The following PCDHGA2 variants were observed in gnomAD, a reference collection of about 807,000 sequenced individuals.
PCDHGA2 encodes the protein protocadherin gamma-A2.
A neutral mutation model predicts 59.2 loss-of-function variants in PCDHGA2; 40 were observed. The observed-to-expected ratio is 0.68, with a 90% confidence interval of 0.52 to 0.88. The LOEUF is 0.88. Among genes scored for constraint, PCDHGA2 ranks in the 40% least tolerant of loss-of-function variants. The pLI is 0.00. For missense variants in PCDHGA2, 1,226 were observed against 1,204.0 expected (o/e 1.02, Z -0.27); for synonymous variants, 560 against 526.0 (o/e 1.06, Z -0.89).
intron 1 of PCDHGA2, chr5:141,377,502 A>G (rs1373807437): frequency 6.6e-6 from 1 of 152,050 alleles, no homozygotes. Flanking sequence ...AAGCTCTGAT[A>G]GGAGGATTGC....
chr5:141,463,364 T>C (rs1166107031), intron 1 of PCDHGA2, among the ~76,000 whole-genome samples: 2 of 150,250 alleles, frequency 1.3e-5, no homozygotes, highest in Admixed American at 6.6e-5. Context: ...TCCCCTTTCC[T>C]GCCCCACAGT....
chr5:141,390,416 T>A, intron 1 of PCDHGA2: 2 of 1,124,674 alleles, frequency 1.8e-6, no homozygotes, highest in Non-Finnish European at 2.5e-6. Context: ...TGTAGTCAGT[T>A]AAAAAGCTGT....
intron 1 of PCDHGA2, chr5:141,420,119 T>C: frequency 6.2e-7 from 1 of 1,614,044 alleles, no homozygotes; most frequent in Non-Finnish European, 8.5e-7. Context: ...TGCCTATAAT[T>C]TTTGTGTGCC....
Position 141,393,047 on chromosome 5 carries a change from C to G in PCDHGA2, c.2424+51652C>G, listed in dbSNP as rs778464494. ...GTAGGACGCAGCTCTTTGCTCTGAA[C>G]CCGCGCAGCGGCAGCTTGATCACCG... On this transcript the variant is annotated intron_variant, in intron 1 of 3. Transcript: ENST00000394576. 16 of 1,613,566 alleles carry G rather than the reference C, an allele frequency of 9.9e-6. No homozygotes were observed. The South Asian group carries it at 1.6e-4, about 17-fold the overall frequency.
At chr5:141,418,407 A>C (rs1165583519) in intron 1 of PCDHGA2, 1 of 1,613,926 alleles carries the variant, frequency 6.2e-7, no homozygotes, top group Non-Finnish European at 8.5e-7. Flanking sequence ...TTGGTGGAGA[A>C]AGACAATCCT....
intron 1 of PCDHGA2, chr5:141,398,734 G>C (rs768663543): frequency 6.2e-7 from 1 of 1,613,788 alleles, no homozygotes; most frequent in Non-Finnish European, 8.5e-7. Context: ...CTTAGACCGG[G>C]AACAACAGAG....
intron 1 of PCDHGA2, chr5:141,430,896 G>A: frequency 6.2e-7 from 1 of 1,606,012 alleles, no homozygotes; most frequent in Admixed American, 1.7e-5. Context: ...TCTAGGGTGG[G>A]CGACATCTCC....
At position 141,340,890 on chromosome 5, in the gene PCDHGA2, A is replaced by G. The variant is rs1464950606; in HGVS notation, c.1919A>G (p.Gln640Arg). ...CTGCTGGACAGAGACGCGCTCAAGC[A>G]GAGCCTCGTGGTGGCCATCCAGGAC... ...RALLDRDALK[Q>R]SLVVAIQDHG... The change falls in exon 1 of 4, where the codon CAG becomes CGG. Residue 640 changes from glutamine (Q) to arginine (R), a missense_variant. Coordinates refer to ENST00000394576, the MANE Select transcript of PCDHGA2 (RefSeq NM_018915.4). 4.3e-6 allele frequency: 7 copies of G among 1,613,708 alleles called. No individual in the cohort carries two copies. In the African/African-American group the frequency reaches 9.3e-5, roughly 22 times the overall value.
Position 141,387,312 on chromosome 5 carries a change from G to A in PCDHGA2, c.2424+45917G>A, listed in dbSNP as rs576543135. Reference sequence around the variant, plus strand: ...AAAATGTATCCAGTATATTTCTAATGAGTAAGTATGGAAAATTACTGTACT... The same window carrying A: ...AAAATGTATCCAGTATATTTCTAATAAGTAAGTATGGAAAATTACTGTACT... On this transcript the variant is annotated intron_variant, in intron 1 of 3. Transcript: ENST00000394576. Among the ~76,000 whole-genome samples, 3 of 152,338 alleles carry A rather than the reference G, an allele frequency of 2.0e-5. No homozygotes were observed. The East Asian group carries it at 5.8e-4, about 29-fold the overall frequency.
chr5:141,418,759 C>T (rs527475797), intron 1 of PCDHGA2: 17 of 1,613,898 alleles, frequency 1.1e-5, no homozygotes, highest in Non-Finnish European at 1.4e-5. Flanking sequence ...CTACAGGAAA[C>T]ATTCTAACTC....
chr5:141,413,352 G>A (rs896091511), intron 1 of PCDHGA2: 1 of 1,613,976 alleles, frequency 6.2e-7, no homozygotes, highest in African/African-American at 1.3e-5. Flanking sequence ...TGGGTCTGGC[G>A]CCCCGGGAGC....
chr5:141,384,255 C>A (rs1434476229), intron 1 of PCDHGA2: 1 of 1,613,746 alleles, frequency 6.2e-7, no homozygotes, highest in African/African-American at 1.3e-5. Flanking sequence ...CACCCACCTT[C>A]CCCCACTCAT....
intron 1 of PCDHGA2, chr5:141,418,640 A>G (rs1042874136): frequency 1.2e-6 from 2 of 1,614,042 alleles, no homozygotes; most frequent in Non-Finnish European, 1.7e-6. Flanking sequence ...AGGCACCTCC[A>G]TCCTGAGAGT....
In PCDHGA2 at chr5:141,485,609, G is replaced by A. The variant is rs1432367043; in HGVS notation, c.2425-9198G>A. The A allele has an allele frequency of 6.2e-7, 1 of 1,612,252 alleles. No homozygotes were observed. Among genetic ancestry groups the A allele is most frequent in the Non-Finnish European group, 8.5e-7 (1 of 1,178,656 alleles). On this transcript the variant is annotated intron_variant, in intron 1 of 3. Transcript: ENST00000394576. This position sits in a 1 kb window ranked among gnomAD's most constrained non-coding sequence, Gnocchi z 5.7. ...GCTGGACTTGGAAATTGGGGAGGCA[G>A]CTCCTCCAGGACAGCGTTTCCCGTT...
chr5:141,375,956 G>A (rs760158486), intron 1 of PCDHGA2: 16 of 1,613,506 alleles, frequency 9.9e-6, no homozygotes, highest in South Asian at 3.3e-5. Flanking sequence ...GCACACGGGC[G>A]AGGTGCGCAC....
rs777670481 is a variant in PCDHGA2, at chr5:141,385,026, C to T, written c.2424+43631C>T. 2.5e-6 allele frequency: 4 copies of T among 1,614,190 alleles called. No homozygotes were observed. The East Asian group carries it at 6.7e-5, about 27-fold the overall frequency. On this transcript the variant is annotated intron_variant, in intron 1 of 3. Coordinates refer to ENST00000394576, the MANE Select transcript of PCDHGA2 (RefSeq NM_018915.4). Reference sequence around the variant, plus strand: ...CCTGCGTCTTCCTAGCCTTCGTCCTCGTACTGCTGGCGCTCAGGCTGCGGC... The same window carrying T: ...CCTGCGTCTTCCTAGCCTTCGTCCTTGTACTGCTGGCGCTCAGGCTGCGGC...
chr5:141,350,368 A>T lies in PCDHGA2; in HGVS notation c.2424+8973A>T, dbSNP rs1237680615. On this transcript the variant is annotated intron_variant, in intron 1 of 3. Transcript: ENST00000394576. ...CCCAGCAGATCCGATACACGATTCC[A>T]GAGGAGCTAGCCAACGGCTCACGGG... is the stretch of plus-strand genomic sequence containing the variant. 6 of 1,581,266 alleles carry T rather than the reference A, an allele frequency of 3.8e-6. No individual in the cohort carries two copies. In the South Asian group the frequency reaches 7.0e-5, roughly 19 times the overall value.
At position 141,485,880 on chromosome 5, in the gene PCDHGA2, A is replaced by G; in HGVS notation, c.2425-8927A>G. 1 of 1,614,124 alleles carries G rather than the reference A, an allele frequency of 6.2e-7. No individual in the cohort carries two copies. Among genetic ancestry groups the G allele is most frequent in the Non-Finnish European group, 8.5e-7 (1 of 1,180,026 alleles). On this transcript the variant is annotated intron_variant, in intron 1 of 3. Transcript: ENST00000394576. The surrounding 1 kb of genome is among the most constrained non-coding windows in gnomAD (Gnocchi z 5.7). ...CTCCGGGTATCCGTGCTGGACGTAA[A>G]CGACAACGCCCCAGCCTTCCAGCAA... is the stretch of plus-strand genomic sequence containing the variant.
intron 3 of PCDHGA2, among the ~76,000 whole-genome samples, chr5:141,510,440 C>T (rs1251795430): frequency 6.6e-6 from 1 of 152,066 alleles, no homozygotes; most frequent in Non-Finnish European, 1.5e-5. Context: ...TGCTGCCCTC[C>T]AGGAGCCCAT....
Sources: allele counts gnomAD v4.1 joint callset (sites outside exome capture counted in the v4.1 genomes callset), GRCh38; gene constraint gnomAD v4.1.1; non-coding constraint Gnocchi (gnomAD v3.1); transcripts MANE v1.5; gene names NCBI Gene and HGNC (gene_info 2026-07-23, HGNC 2026-07-21).